The following PRPH variants were observed in gnomAD, a reference collection of about 807,000 sequenced individuals.
PRPH encodes the protein neurofilament 4 (57kD).
A neutral mutation model predicts 52.6 loss-of-function variants in PRPH; 48 were observed. The ratio of observed to expected loss-of-function variants is 0.91; its 90% CI spans 0.72 to 1.16. The LOEUF (loss-of-function observed/expected upper bound fraction) is 1.16. PRPH is among the 50% of genes most tolerant of loss of function. The pLI is 0.00. For synonymous variants in PRPH, 279 were observed against 283.8 expected, an observed-to-expected ratio of 0.98 and a Z score of 0.17; for missense variants, 579 against 635.7, an observed-to-expected ratio of 0.91 and a Z score of 0.96.
At position 49,295,687 on chromosome 12, in the gene PRPH, G is replaced by T; in HGVS notation, c.487G>T (p.Asp163Tyr). The T allele has an allele frequency of 6.5e-7, 1 of 1,533,364 alleles. No individual in the cohort carries two copies. Among genetic ancestry groups the T allele is most frequent in the South Asian group, 1.2e-5 (1 of 83,118 alleles). 95.0% of individuals were successfully genotyped at this position (1,533,364 alleles called of 1,614,324 possible). ...GCTGGAGCTGTTGGGCCGCGAGCGT[G>T]ACCGGGTGCAGGTGGAGCGCGACGG... ...RELELLGRER[D>Y]RVQVERDGLA... Residue 163 changes from aspartate (D) to tyrosine (Y), a missense_variant, in exon 1 of 9, where the codon GAC becomes TAC. Transcript: ENST00000257860.
In PRPH at chr12:49,296,440, C is replaced by T. The variant is rs776074203; in HGVS notation, c.615C>T (p.Asp205=). 12 of 1,614,146 alleles carry T rather than the reference C, an allele frequency of 7.4e-6. No homozygotes were observed. Among genetic ancestry groups the T allele is most frequent in the Non-Finnish European group, 1.0e-5 (12 of 1,179,996 alleles). ...HNLVLFRKDV[D]DATLSRLELE... is the part of the protein sequence containing the mutation. The stretch of plus-strand genomic sequence containing the variant: ...ACTGCCACCCCTCGAAGGACGTGGA[C>T]GATGCCACTCTGTCCCGCCTGGAAC... The change falls in exon 3 of 9, where the codon GAC becomes GAT. Residue 205 remains aspartate, a synonymous_variant. Transcript: ENST00000257860. The surrounding 1 kb of genome is among the most constrained non-coding windows in gnomAD (Gnocchi z 5.1).
chr12:49,297,754 T>C lies in PRPH; in HGVS notation c.1267+28T>C, dbSNP rs957184489. 4 of 1,611,552 alleles carry C rather than the reference T, an allele frequency of 2.5e-6. No individual in the cohort carries two copies. Among genetic ancestry groups the C allele is most frequent in the Admixed American group, 3.3e-5 (2 of 59,918 alleles). The stretch of plus-strand genomic sequence containing the variant: ...GAGTCTGGCTTACAGCCTGTACCTC[T>C]CCTTGTCCACTTCTGCCCTCCTCGG... On this transcript the variant is annotated intron_variant, in intron 7 of 8. Coordinates refer to ENST00000257860, the MANE Select transcript of PRPH (RefSeq NM_006262.4). The surrounding 1 kb of genome is among the most constrained non-coding windows in gnomAD (Gnocchi z 4.4).
rs1382114754 is a variant in PRPH at position 49,296,521 on chromosome 12, C to A, written c.696C>A (p.His232Gln). 4.3e-6 allele frequency: 7 copies of A among 1,613,950 alleles called. 1 individual carries two copies. The South Asian group carries it at 5.5e-5, about 13-fold the overall frequency. ...MDEIEFLKKL[H>Q]EEELRDLQVS... ...AGATTGAGTTCCTCAAGAAGCTGCA[C>A]GAGGAGGTAAGTGGGCCCGGTATCA... is the stretch of plus-strand genomic sequence containing the variant. The change falls in exon 3 of 9, where the codon CAC (histidine) becomes CAA (glutamine). Residue 232 changes from histidine (H) to glutamine (Q), a missense_variant. His to Gln is a conservative substitution (Grantham distance 24). Coordinates refer to ENST00000257860, the MANE Select transcript of PRPH (RefSeq NM_006262.4). This position sits in a 1 kb window ranked among gnomAD's most constrained non-coding sequence, Gnocchi z 5.1.
Position 49,295,604 on chromosome 12 carries a change from A to G in PRPH, c.404A>G (p.Gln135Arg), listed in dbSNP as rs570825092. Reference protein sequence around the residue: ...LRGELSQARGQEPARADQLCQ... With the variant: ...LRGELSQARGREPARADQLCQ... ...GGGGAGCTGAGCCAAGCCCGGGGCC[A>G]GGAGCCGGCGCGCGCCGACCAGCTG... Residue 135 changes from glutamine (Q) to arginine (R), a missense_variant, in exon 1 of 9, where the codon CAG becomes CGG. Gln to Arg is a conservative substitution (Grantham distance 43). Transcript: ENST00000257860. The G allele has an allele frequency of 7.1e-6, 11 of 1,550,054 alleles. No homozygotes were observed. The highest frequency in any genetic ancestry group is 2.7e-5 in the African/African-American group (2 of 73,280).
At position 49,296,565 on chromosome 12, in the gene PRPH, G is replaced by T; in HGVS notation, c.702+38G>T. 1 of 1,588,780 alleles carries T rather than the reference G, an allele frequency of 6.3e-7. No individual in the cohort carries two copies. ...GGTATCAGGGGCGGTTTCTGAGGTT[G>T]TGGGGTGGTCTCGCTGGAGCTGGCG... On this transcript the variant is annotated intron_variant, in intron 3 of 8. Coordinates refer to ENST00000257860, the MANE Select transcript of PRPH (RefSeq NM_006262.4). The surrounding 1 kb of genome is among the most constrained non-coding windows in gnomAD (Gnocchi z 5.1).
Position 49,297,001 on chromosome 12 carries a change from AC to A in PRPH, c.816del (p.Tyr272Ter). The A allele has an allele frequency of 6.2e-7, 1 of 1,613,884 alleles. No individual in the cohort carries two copies. The highest frequency in any genetic ancestry group is 8.5e-7 in the Non-Finnish European group (1 of 1,179,960). Reference sequence around the variant, plus strand: ...GCGCTGAGGGACATCCGCGCGCAGTACGAGAGCATCGCCGCGAAGAACCTGC... The same window carrying A: ...GCGCTGAGGGACATCCGCGCGCAGTAGAGAGCATCGCCGCGAAGAACCTGC... The part of the protein sequence containing the change: ...TAALRDIRAQ[Y>X]ESIAAKNLQE... On this transcript the variant is annotated frameshift_variant, in exon 4 of 9. Transcript: ENST00000257860. LOFTEE classifies it high-confidence loss of function. The surrounding 1 kb of genome is among the most constrained non-coding windows in gnomAD (Gnocchi z 4.4).
Position 49,295,758 on chromosome 12 carries a change from G to A in PRPH, c.545+13G>A. The A allele has an allele frequency of 6.8e-7, 1 of 1,468,132 alleles. No homozygotes were observed. The highest frequency in any genetic ancestry group is 8.9e-7 in the Non-Finnish European group (1 of 1,119,478). 90.9% of individuals were successfully genotyped at this position (1,468,132 alleles called of 1,614,324 possible). ...CGCTCAAGCAGAGGTCAGGGGGCAG[G>A]GCTGGGCCGCTGCCGTCGAGGCGAG... On this transcript the variant is annotated intron_variant, in intron 1 of 8. Coordinates refer to ENST00000257860, the MANE Select transcript of PRPH (RefSeq NM_006262.4).
In PRPH at chr12:49,295,691, G is replaced by A; in HGVS notation, c.491G>A (p.Arg164Gln). ...GAGCTGTTGGGCCGCGAGCGTGACC[G>A]GGTGCAGGTGGAGCGCGACGGGCTG... is the stretch of plus-strand genomic sequence containing the variant. ...ELELLGRERDRVQVERDGLAE... is the reference protein window; with the variant it reads ...ELELLGRERDQVQVERDGLAE... Residue 164 changes from arginine (R) to glutamine (Q), a missense_variant, in exon 1 of 9, where the codon CGG (arginine) becomes CAG (glutamine). Physicochemically the swap from Arg to Gln is conservative, Grantham distance 43. Coordinates refer to ENST00000257860, the MANE Select transcript of PRPH (RefSeq NM_006262.4). The A allele has an allele frequency of 6.5e-7, 1 of 1,531,634 alleles. No homozygotes were observed. The highest frequency in any genetic ancestry group is 8.7e-7 in the Non-Finnish European group (1 of 1,143,520). 94.9% of individuals were successfully genotyped at this position (1,531,634 alleles called of 1,614,324 possible).
At position 49,296,351 on chromosome 12, in the gene PRPH, AG is replaced by A; in HGVS notation, c.607-79del. On this transcript the variant is annotated intron_variant, in intron 2 of 8. Coordinates refer to ENST00000257860, the MANE Select transcript of PRPH (RefSeq NM_006262.4). This position sits in a 1 kb window ranked among gnomAD's most constrained non-coding sequence, Gnocchi z 5.1. ...AAGGGGGTAACCCAGATGCCTCCTG[AG>A]GCAGACAGGGAAGGCCTGGTCCTTC... is the stretch of plus-strand genomic sequence containing the variant. The A allele has an allele frequency of 6.4e-7, 1 of 1,568,214 alleles. No homozygotes were observed. The highest frequency in any genetic ancestry group is 8.8e-7 in the Non-Finnish European group (1 of 1,141,564).
chr12:49,296,333 T>A lies in PRPH; in HGVS notation c.606+95T>A, dbSNP rs1943179185. ...ATCGGTGGGCGCGGGGAGAAGGGGG[T>A]AACCCAGATGCCTCCTGAGGCAGAC... On this transcript the variant is annotated intron_variant, in intron 2 of 8. Coordinates refer to ENST00000257860, the MANE Select transcript of PRPH (RefSeq NM_006262.4). This position sits in a 1 kb window ranked among gnomAD's most constrained non-coding sequence, Gnocchi z 5.1. 1 of 1,561,754 alleles carries A rather than the reference T, an allele frequency of 6.4e-7. No homozygotes were observed. The highest frequency in any genetic ancestry group is 1.1e-5 in the South Asian group (1 of 88,792).
chr12:49,297,665 C>T lies in PRPH; in HGVS notation c.1218-12C>T. On this transcript the variant is annotated splice_polypyrimidine_tract_variant and intron_variant, in intron 6 of 8. Transcript: ENST00000257860. This position sits in a 1 kb window ranked among gnomAD's most constrained non-coding sequence, Gnocchi z 4.4. The stretch of plus-strand genomic sequence containing the variant: ...CCTGGGCAGGGGCGCTGACAACTTG[C>T]TTCGCCTCTAGGATCTCCGTGCCCG... 6.2e-7 allele frequency: 1 copy of T among 1,613,528 alleles called. No homozygotes were observed. Among genetic ancestry groups the T allele is most frequent in the Non-Finnish European group, 8.5e-7 (1 of 1,180,018 alleles).
Position 49,295,386 on chromosome 12 carries a change from C to T in PRPH, c.186C>T (p.Ser62=). The change falls in exon 1 of 9, where the codon AGC becomes AGT. Residue 62 remains serine (S), a synonymous_variant. Coordinates refer to ENST00000257860, the MANE Select transcript of PRPH (RefSeq NM_006262.4). ...SSSVRLGSFR[S]PRAGAGALLR... is the part of the protein sequence containing the mutation. ...CGGTGCGCCTGGGCAGCTTCCGTAG[C>T]CCCCGAGCGGGAGCGGGCGCCCTCC... 1.2e-6 allele frequency: 2 copies of T among 1,607,108 alleles called. No individual in the cohort carries two copies. Among genetic ancestry groups the T allele is most frequent in the Non-Finnish European group, 8.5e-7 (1 of 1,177,714 alleles).
chr12:49,297,646 C>A lies in PRPH; in HGVS notation c.1218-31C>A. The A allele has an allele frequency of 6.2e-7, 1 of 1,613,038 alleles. No individual in the cohort carries two copies. The highest frequency in any genetic ancestry group is 8.5e-7 in the Non-Finnish European group (1 of 1,179,954). ...TGGGCCGGGCAGGGCGGGGCCTGGG[C>A]AGGGGCGCTGACAACTTGCTTCGCC... On this transcript the variant is annotated intron_variant, in intron 6 of 8. Transcript: ENST00000257860. This position sits in a 1 kb window ranked among gnomAD's most constrained non-coding sequence, Gnocchi z 4.4.
In PRPH at chr12:49,295,814, G is replaced by C. The variant is rs7488343; in HGVS notation, c.545+69G>C. On this transcript the variant is annotated intron_variant, in intron 1 of 8. Transcript: ENST00000257860. ...AGCGGCCGTCGAGGCGGCTGCTCTT[G>C]CCTCCCCTCGCTTCCCCTCTCCATC... 412,319 of 1,435,660 alleles carry C rather than the reference G, an allele frequency of 0.29. 68,462 individuals are homozygous for C. Among genetic ancestry groups the C allele is most frequent in the African/African-American group, 0.74 (51,253 of 69,318 alleles). The allele number at this position is 1,435,660 out of a possible 1,614,324, so 88.9% of individuals were successfully genotyped here.
rs777418543 is a variant in PRPH, at chr12:49,297,418, G to T, written c.1058G>T (p.Gly353Val). ...LEEQFALEAG[G>V]YQAGAARLEE... ...GAGCAGTTCGCCCTGGAGGCGGGGG[G>T]CTACCAGGCGGGCGCTGCGCGGCTC... Residue 353 changes from glycine to valine, a missense_variant, in exon 6 of 9, where the codon GGC becomes GTC. Transcript: ENST00000257860. This position sits in a 1 kb window ranked among gnomAD's most constrained non-coding sequence, Gnocchi z 4.4. 1.6e-5 allele frequency: 26 copies of T among 1,613,158 alleles called. No homozygotes were observed. Among genetic ancestry groups the T allele is most frequent in the Non-Finnish European group, 2.1e-5 (25 of 1,179,888 alleles).
rs1451387280 is a variant in PRPH at position 49,296,146 on chromosome 12, G to T, written c.546-32G>T. ...GGGGTGCGAGCTGGGCGGCGACCCC[G>T]CAGTTCAGCCTCTGCACGCTCTTCC... On this transcript the variant is annotated intron_variant, in intron 1 of 8. Coordinates refer to ENST00000257860, the MANE Select transcript of PRPH (RefSeq NM_006262.4). This position sits in a 1 kb window ranked among gnomAD's most constrained non-coding sequence, Gnocchi z 5.1. The T allele has an allele frequency of 2.5e-6, 4 of 1,606,520 alleles. No individual in the cohort carries two copies. In the Admixed American group the frequency reaches 5.0e-5, roughly 20 times the overall value.
In PRPH at chr12:49,296,821, G is replaced by A; in HGVS notation, c.703-68G>A. On this transcript the variant is annotated intron_variant, in intron 3 of 8. Coordinates refer to ENST00000257860, the MANE Select transcript of PRPH (RefSeq NM_006262.4). This position sits in a 1 kb window ranked among gnomAD's most constrained non-coding sequence, Gnocchi z 5.1. Reference sequence around the variant, plus strand: ...CGTTCAAGCGTTTCTTCTCTTTTCTGTGCACGAACTGCGTGGCCCGCGTGG... The same window carrying A: ...CGTTCAAGCGTTTCTTCTCTTTTCTATGCACGAACTGCGTGGCCCGCGTGG... 4 of 1,554,020 alleles carry A rather than the reference G, an allele frequency of 2.6e-6. No individual in the cohort carries two copies. The highest frequency in any genetic ancestry group is 3.5e-6 in the Non-Finnish European group (4 of 1,148,576).
Position 49,296,668 on chromosome 12 carries a change from T to C in PRPH, c.702+141T>C. On this transcript the variant is annotated intron_variant, in intron 3 of 8. Coordinates refer to ENST00000257860, the MANE Select transcript of PRPH (RefSeq NM_006262.4). This position sits in a 1 kb window ranked among gnomAD's most constrained non-coding sequence, Gnocchi z 5.1. ...CCCCTCCACCCTAGTCTACAGGTGG[T>C]TAGACTCCCACCCTTGCGCCACCTG... The C allele has an allele frequency of 1.8e-6, 2 of 1,092,084 alleles. No homozygotes were observed. The highest frequency in any genetic ancestry group is 2.0e-5 in the Admixed American group (1 of 49,544). 67.6% of individuals were successfully genotyped at this position (1,092,084 alleles called of 1,614,324 possible).
At position 49,295,501 on chromosome 12, in the gene PRPH, C is replaced by G; in HGVS notation, c.301C>G (p.Leu101Val). The change falls in exon 1 of 9, where the codon CTG becomes GTG. Residue 101 changes from leucine to valine, a missense_variant. Transcript: ENST00000257860. ...CACGCGCAGCAACGAGAAGCAGGAG[C>G]TGCAGGAGCTCAACGACCGCTTCGC... ...LATRSNEKQE[L>V]QELNDRFANF... 3.1e-6 allele frequency: 5 copies of G among 1,607,568 alleles called. No homozygotes were observed. The highest frequency in any genetic ancestry group is 4.2e-6 in the Non-Finnish European group (5 of 1,177,428).
Sources: gnomAD v4.1 joint callset for allele counts on GRCh38, gnomAD v4.1.1 for gene constraint, Gnocchi (gnomAD v3.1) non-coding constraint, MANE v1.5 for transcripts, NCBI Gene and HGNC (gene_info 2026-07-23, HGNC 2026-07-21) for gene names.